The following FAM227A variants were observed in gnomAD, a reference collection of about 807,000 sequenced individuals.
FAM227A encodes family with sequence similarity 227 member A, also known as protein FAM227A.
In FAM227A, 80 loss-of-function variants were observed where a neutral mutation model predicts 74.7. The ratio of observed to expected loss-of-function variants is 1.07; its 90% confidence interval spans 0.89 to 1.29. The LOEUF is 1.29. Ranked by LOEUF, FAM227A falls within the 50% of genes most tolerant of loss-of-function variation. The pLI is 0.00. For synonymous variants in FAM227A, 237 were observed against 241.8 expected (o/e 0.98, Z 0.19); for missense variants, 654 against 683.4 (o/e 0.96, Z 0.48).
chr22:38,650,009 A>G lies in FAM227A; in HGVS notation c.142+18T>C, dbSNP rs1418423021. 6.4e-6 allele frequency: 10 copies of G among 1,551,762 alleles called. No individual in the cohort carries two copies. The highest frequency in any genetic ancestry group is 8.7e-6 in the Non-Finnish European group (10 of 1,146,848). ...GGTGTATTTGGTCTGATTGTAGGTG[A>G]CATCACCAGAAGGATACAGGGTGGA... On this transcript the variant is annotated intron_variant, in intron 2 of 16. Coordinates refer to ENST00000535113, the MANE Select transcript of FAM227A (RefSeq NM_001013647.2).
chr22:38,585,320 C>T lies in FAM227A; in HGVS notation c.*805G>A, dbSNP rs566713276. The T allele has an allele frequency of 6.6e-6, 1 of 152,234 alleles. No individual in the cohort carries two copies. Among genetic ancestry groups the T allele is most frequent in the Admixed American group, 6.5e-5 (1 of 15,282 alleles). 9.4% of individuals were successfully genotyped at this position (152,234 alleles called of 1,614,324 possible). ...CTCTCAATTCTTGGACAAAGATTCA[C>T]TCAAATGAGCTGGAAGGTGAGAGGT... On this transcript the variant is annotated 3_prime_UTR_variant, in exon 17 of 17. Coordinates refer to ENST00000535113, the MANE Select transcript of FAM227A (RefSeq NM_001013647.2).
intron 10 of FAM227A, 24 bp downstream of exon 10, chr22:38,623,148 G>A (rs541014300): frequency 3.0e-5 from 44 of 1,481,118 alleles, no homozygotes; most frequent in Admixed American, 9.8e-5. Context: ...CAAAGAAGGC[G>A]GGAGGCTGTA....
chr22:38,646,916 T>A (rs974312268), intron 2 of FAM227A, among the ~76,000 whole-genome samples: 1 of 151,966 alleles, frequency 6.6e-6, no homozygotes, highest in Non-Finnish European at 1.5e-5. Context: ...TTTGGGAGGC[T>A]GAGGCGGGCA....
chr22:38,596,183 T>C (rs1178422008), intron 15 of FAM227A, among the ~76,000 whole-genome samples: 1 of 152,036 alleles, frequency 6.6e-6, no homozygotes, highest in Non-Finnish European at 1.5e-5. Context: ...TAGCCGGGCA[T>C]GGTGGTGCAC....
Position 38,605,322 on chromosome 22 carries a change from T to C in FAM227A, c.1153A>G (p.Lys385Glu), listed in dbSNP as rs778658836. 15 of 1,549,790 alleles carry C rather than the reference T, an allele frequency of 9.7e-6. No homozygotes were observed. The highest frequency in any genetic ancestry group is 1.2e-5 in the Non-Finnish European group (14 of 1,144,958). Residue 385 changes from lysine to glutamate, a missense_variant, in exon 13 of 17, where the codon AAG becomes GAG. Transcript: ENST00000535113. ...KEHHCQTLVL[K>E]KPTQEVKRIS... ...CTCTTGACTTCTTGCGTAGGTTTCT[T>C]CAAGACCAGGGTCTGACAATGATGC...
chr22:38,617,383 C>T (rs1398469047), intron 11 of FAM227A, among the ~76,000 whole-genome samples: 4 of 151,620 alleles, frequency 2.6e-5, no homozygotes, highest in Non-Finnish European at 5.9e-5. Flanking sequence ...GCAACCTCCG[C>T]CTCCCGGGTT....
At position 38,586,056 on chromosome 22, in the gene FAM227A, C is replaced by A. The variant is rs1242804227; in HGVS notation, c.*69G>T. On this transcript the variant is annotated 3_prime_UTR_variant, in exon 17 of 17. Transcript: ENST00000535113. ...GCCACAATTTTCTTATTTTCTTGTT[C>A]CACTCCACCTCGTAGCAGAAATATC... 6.5e-7 allele frequency: 1 copy of A among 1,550,146 alleles called. No individual in the cohort carries two copies. The highest frequency in any genetic ancestry group is 2.4e-5 in the East Asian group (1 of 40,910).
At chr22:38,627,183 T>C (rs2091827187) in intron 8 of FAM227A, among the ~76,000 whole-genome samples, 1 of 151,846 alleles carries the variant, frequency 6.6e-6, no homozygotes. Flanking sequence ...TATATATACA[T>C]ACATATATAC....
chr22:38,597,377 A>G, intron 14 of FAM227A, 21 bp from the exon 15 acceptor site: 2 of 1,551,310 alleles, frequency 1.3e-6, no homozygotes, highest in Non-Finnish European at 1.7e-6. Flanking sequence ...CTGTCAAGGA[A>G]ATCCCCGTAC....
chr22:38,610,077 T>C (rs2091379693), intron 11 of FAM227A, among the ~76,000 whole-genome samples: 2 of 151,974 alleles, frequency 1.3e-5, no homozygotes, highest in African/African-American at 4.8e-5. Context: ...CCGGCCATTT[T>C]TTGTTTGTTT....
At chr22:38,646,528 C>T (rs1337576487) in intron 2 of FAM227A, among the ~76,000 whole-genome samples, 1 of 151,896 alleles carries the variant, frequency 6.6e-6, no homozygotes, top group East Asian at 1.9e-4. Context: ...TCCCAAAGTG[C>T]TGGGATTACA....
rs1221431526 is a variant in FAM227A at position 38,628,864 on chromosome 22, G to C, written c.591C>G (p.Ser197Arg). Residue 197 changes from serine to arginine, a missense_variant, in exon 7 of 17, where the codon AGC becomes AGG. Transcript: ENST00000535113. ...SSSPRAIWLD[S>R]FWWIFHERYQ... Reference sequence around the variant, plus strand: ...ACCTCTCATGAAATATCCACCAAAAGCTATCCAGCCAGATGGCTCTTGGAG... The same window carrying C: ...ACCTCTCATGAAATATCCACCAAAACCTATCCAGCCAGATGGCTCTTGGAG... The C allele has an allele frequency of 2.6e-6, 4 of 1,545,286 alleles. No individual in the cohort carries two copies. Among genetic ancestry groups the C allele is most frequent in the Non-Finnish European group, 3.5e-6 (4 of 1,142,482 alleles).
At chr22:38,591,650 T>C (rs773933661) in intron 15 of FAM227A, 110 bp from the exon 16 acceptor site, 82 of 712,308 alleles carry the variant, frequency 1.2e-4, no homozygotes, top group Middle Eastern at 2.6e-4. Flanking sequence ...TTACAAAACA[T>C]GCATTGAAGT....
At chr22:38,623,134 G>T in intron 10 of FAM227A, 38 bp downstream of exon 10, 1 of 1,383,944 alleles carries the variant, frequency 7.2e-7, no homozygotes, top group Non-Finnish European at 1.0e-6. Context: ...GAGTATGGCA[G>T]TGGCAAAGAA....
chr22:38,620,586 G>A (rs969368747), intron 10 of FAM227A, among the ~76,000 whole-genome samples: 18 of 151,636 alleles, frequency 1.2e-4, no homozygotes, highest in African/African-American at 4.1e-4. Flanking sequence ...GGCGGATCAC[G>A]AGGTCAGGAG....
chr22:38,637,716 TGTATGACA>T (rs1294304858), intron 5 of FAM227A, among the ~76,000 whole-genome samples: 1 of 152,254 alleles, frequency 6.6e-6, no homozygotes, highest in African/African-American at 2.4e-5. Context: ...ATCAATGGAT[TGTATGACA>T]GTTCCAATGC....
intron 3 of FAM227A, among the ~76,000 whole-genome samples, chr22:38,644,166 AAAG>A (rs1351420032): frequency 2.0e-5 from 3 of 151,204 alleles, no homozygotes; most frequent in Non-Finnish European, 4.4e-5. Context: ...AAAAAAAAAA[AAAG>A]ATGTGGAGGA....
chr22:38,612,070 A>C (rs2091424260), intron 11 of FAM227A, among the ~76,000 whole-genome samples: 1 of 152,030 alleles, frequency 6.6e-6, no homozygotes, highest in Non-Finnish European at 1.5e-5. Context: ...TCCATCTCCC[A>C]ATGCGTCAGG....
At chr22:38,638,401 T>C (rs1212131578) in intron 5 of FAM227A, among the ~76,000 whole-genome samples, 1 of 152,150 alleles carries the variant, frequency 6.6e-6, no homozygotes, top group Admixed American at 6.6e-5. Flanking sequence ...ACAACTAGCA[T>C]GGGGTGTGAC....
Sources: allele counts gnomAD v4.1 joint callset (sites outside exome capture counted in the v4.1 genomes callset), GRCh38; gene constraint gnomAD v4.1.1; transcripts MANE v1.5; gene names NCBI Gene and HGNC (gene_info 2026-07-23, HGNC 2026-07-21).